The following BBS9 variants were observed in gnomAD, a reference collection of about 807,000 sequenced individuals.
BBS9 encodes the protein protein PTHB1.
A neutral mutation model predicts 117.7 loss-of-function variants in BBS9; 89 were observed. The observed-to-expected ratio is 0.76, with a 90% CI of 0.64 to 0.90. The LOEUF (loss-of-function observed/expected upper bound fraction) is 0.90. Among genes scored for constraint, BBS9 ranks in the 40% least tolerant of loss-of-function variants. The probability of loss-of-function intolerance (pLI) is 0.00; values close to 1 mark genes in which losing one functional copy is unlikely to be tolerated. For missense variants in BBS9, 982 were observed against 1,042.2 expected (o/e 0.94, Z 0.80); for synonymous variants, 379 against 370.9 (o/e 1.02, Z -0.25).
intron 21 of BBS9, among the ~76,000 whole-genome samples, chr7:33,602,928 T>G (rs1299895506): frequency 6.6e-6 from 1 of 152,150 alleles, no homozygotes; most frequent in African/African-American, 2.4e-5. Context: ...GAAATTACGT[T>G]CATTGTTGAT....
intron 21 of BBS9, among the ~76,000 whole-genome samples, chr7:33,573,587 CA>C (rs936413830): frequency 2.9e-4 from 44 of 151,986 alleles, no homozygotes; most frequent in South Asian, 6.2e-4. Flanking sequence ...TTTGCTACTG[CA>C]AAAAAATGCT....
intron 12 of BBS9, chr7:33,346,106 C>A: frequency 3.3e-6 from 1 of 303,664 alleles, no homozygotes. Context: ...ATGCAACAGG[C>A]AAGGGGTGCA....
chr7:33,363,561 G>T (rs1335932438), intron 16 of BBS9, among the ~76,000 whole-genome samples: 1 of 152,094 alleles, frequency 6.6e-6, no homozygotes, highest in African/African-American at 2.4e-5. Context: ...ATTCCAACTG[G>T]ATTGTTTGTT....
chr7:33,462,119 T>C (rs1202973885), intron 19 of BBS9, among the ~76,000 whole-genome samples: 1 of 152,076 alleles, frequency 6.6e-6, no homozygotes, highest in African/African-American at 2.4e-5. Flanking sequence ...AATCAAAATC[T>C]AAAACCTTGA....
intron 16 of BBS9, among the ~76,000 whole-genome samples, chr7:33,361,812 T>C (rs1291457086): frequency 2.0e-5 from 3 of 152,158 alleles, no homozygotes; most frequent in Non-Finnish European, 2.9e-5. Context: ...TACTTACTTA[T>C]TTTTTCTGGT....
At chr7:33,443,433 A>G (rs1836509549) in intron 19 of BBS9, among the ~76,000 whole-genome samples, 1 of 152,106 alleles carries the variant, frequency 6.6e-6, no homozygotes, top group Admixed American at 6.6e-5. Context: ...CCACCGGGAA[A>G]CCCCTATATT....
intron 2 of BBS9, among the ~76,000 whole-genome samples, chr7:33,149,052 GACTAT>G (rs901465353): frequency 6.6e-6 from 1 of 152,196 alleles, no homozygotes; most frequent in African/African-American, 2.4e-5. Context: ...GAGGTGGGGA[GACTAT>G]TTATGGCTCT....
chr7:33,350,883 G>A (rs1269293880), intron 13 of BBS9, among the ~76,000 whole-genome samples: 1 of 152,180 alleles, frequency 6.6e-6, no homozygotes, highest in Non-Finnish European at 1.5e-5. Flanking sequence ...TAGTAAAGAT[G>A]TGGTTTTCTC....
At chr7:33,376,625 T>C (rs1248180532) in intron 17 of BBS9, among the ~76,000 whole-genome samples, 1 of 152,248 alleles carries the variant, frequency 6.6e-6, no homozygotes, top group Non-Finnish European at 1.5e-5. Flanking sequence ...CACACTGCTT[T>C]CCACAAGGGT....
Position 33,340,941 on chromosome 7 carries a change from G to GAA in BBS9, c.1243_1244insAA (p.Val415GlufsTer29), listed in dbSNP as rs1291929635. On this transcript the variant is annotated frameshift_variant, in exon 11 of 23. Transcript: ENST00000242067. LOFTEE classifies it high-confidence loss of function. Reference sequence around the variant, plus strand: ...GAGAGAAGATGACTTGAACGTTTCTGTCGTGGTTTCTCCTAACTTTGATTC... The same window carrying GAA: ...GAGAGAAGATGACTTGAACGTTTCTGAATCGTGGTTTCTCCTAACTTTGATTC... The GAA allele has an allele frequency of 6.2e-7, 1 of 1,613,512 alleles. No individual in the cohort carries two copies. The highest frequency in any genetic ancestry group is 8.5e-7 in the Non-Finnish European group (1 of 1,179,692).
intron 19 of BBS9, among the ~76,000 whole-genome samples, chr7:33,498,984 G>A (rs969042063): frequency 6.6e-6 from 1 of 152,146 alleles, no homozygotes; most frequent in Non-Finnish European, 1.5e-5. Flanking sequence ...CATCAGCAAT[G>A]TACGTGGGTT....
chr7:33,192,262 T>A (rs1784240053), intron 5 of BBS9, among the ~76,000 whole-genome samples: 1 of 152,216 alleles, frequency 6.6e-6, no homozygotes, highest in South Asian at 2.1e-4. Flanking sequence ...TATTCAATAT[T>A]GGTGTTTATT....
At chr7:33,462,606 C>T (rs1839626692) in intron 19 of BBS9, among the ~76,000 whole-genome samples, 2 of 152,050 alleles carry the variant, frequency 1.3e-5, no homozygotes, top group Non-Finnish European at 2.9e-5. Flanking sequence ...CACATTATTT[C>T]TGGCAGTGAC....
chr7:33,556,706 A>C (rs2129103311), intron 21 of BBS9, among the ~76,000 whole-genome samples: 1 of 152,334 alleles, frequency 6.6e-6, no homozygotes, highest in East Asian at 1.9e-4. Flanking sequence ...AAATGACTTT[A>C]GAGGTGTCAA....
chr7:33,149,940 T>G (rs922359989), intron 2 of BBS9, among the ~76,000 whole-genome samples: 5 of 152,106 alleles, frequency 3.3e-5, no homozygotes, highest in African/African-American at 1.2e-4. Flanking sequence ...TGAGTAAAAG[T>G]GGGGATTTAG....
At chr7:33,190,159 G>A (rs1281276526) in intron 5 of BBS9, among the ~76,000 whole-genome samples, 8 of 130,766 alleles carry the variant, frequency 6.1e-5, no homozygotes, top group East Asian at 2.3e-4. Context: ...TCGCTCTGTC[G>A]CCCAGGCTGG....
intron 19 of BBS9, among the ~76,000 whole-genome samples, chr7:33,449,400 A>T (rs1837452931): frequency 6.6e-6 from 1 of 152,058 alleles, no homozygotes; most frequent in Non-Finnish European, 1.5e-5. Context: ...TTGTAATTTC[A>T]CTGTTTGGAA....
chr7:33,407,622 T>A (rs990802026), intron 19 of BBS9, among the ~76,000 whole-genome samples: 3 of 152,240 alleles, frequency 2.0e-5, no homozygotes, highest in African/African-American at 7.2e-5. Context: ...CGTGTGGATG[T>A]CCTTTCTGTT....
intron 19 of BBS9, among the ~76,000 whole-genome samples, chr7:33,429,376 C>T (rs1382003506): frequency 6.7e-6 from 1 of 150,340 alleles, no homozygotes; most frequent in Non-Finnish European, 1.5e-5. Flanking sequence ...CCATGATTTG[C>T]TTTGCTCCTT....
Sources: gnomAD v4.1 joint callset for allele counts (sites outside exome capture counted in the v4.1 genomes callset) on GRCh38, gnomAD v4.1.1 for gene constraint, MANE v1.5 for transcripts, NCBI Gene and HGNC (gene_info 2026-07-23, HGNC 2026-07-21) for gene names.